Variants in TMC2 observed in about 807,000 individuals in gnomAD.
The protein encoded by TMC2 is transmembrane channel-like protein 2.
Under a neutral mutation model 105.9 loss-of-function variants are expected in TMC2, and 102 were observed. The observed-to-expected ratio is 0.96, with a 90% CI of 0.82 to 1.14. TMC2 has a LOEUF of 1.14. Among genes scored for constraint, TMC2 ranks in the 50% most tolerant of loss-of-function variants. TMC2 has a pLI of 0.00. For synonymous variants in TMC2, 402 were observed against 422.8 expected, an observed-to-expected ratio of 0.95 and a Z score of 0.60; for missense variants, 1,093 against 1,134.3, an observed-to-expected ratio of 0.96 and a Z score of 0.52.
chr20:2,554,391 C>T (rs780288172), intron 2 of TMC2, among the ~76,000 whole-genome samples: 3 of 152,142 alleles, frequency 2.0e-5, no homozygotes, highest in African/African-American at 7.2e-5. Context: ...TTTCAAAGAA[C>T]CTCTCTATGA....
chr20:2,558,507 G>A lies in TMC2; in HGVS notation c.134G>A (p.Gly45Glu), dbSNP rs990429691. 8 of 1,558,352 alleles carry A rather than the reference G, an allele frequency of 5.1e-6. No individual in the cohort carries two copies. The African/African-American group carries it at 9.5e-5, about 19-fold the overall frequency. ...AGCAAGCGGGCTCTCAAAGCCGAGG[G>A]GACCCCAGGCAGGCGCGGAGCTCAG... ...SSSKRALKAE[G>E]TPGRRGAQRS... Residue 45 changes from glycine (G) to glutamate (E), a missense_variant, in exon 3 of 20, where the codon GGG becomes GAG. Physicochemically the swap from Gly to Glu is moderately conservative, Grantham distance 98. Coordinates refer to ENST00000358864, the MANE Select transcript of TMC2 (RefSeq NM_080751.3). The surrounding 1 kb of genome is among the most constrained non-coding windows in gnomAD (Gnocchi z 4.6).
At chr20:2,561,223 A>G (rs1041166205) in intron 3 of TMC2, among the ~76,000 whole-genome samples, 1 of 152,260 alleles carries the variant, frequency 6.6e-6, no homozygotes, top group Non-Finnish European at 1.5e-5. Context: ...AGATACAAAT[A>G]TCAAAGGAAA....
intron 17 of TMC2, among the ~76,000 whole-genome samples, chr20:2,631,005 A>G (rs982867091): frequency 1.6e-4 from 25 of 151,874 alleles, no homozygotes; most frequent in African/African-American, 5.3e-4. Flanking sequence ...TATTTTTGTT[A>G]TTTTATTCCT....
chr20:2,563,152 T>C (rs1200375560), intron 4 of TMC2, among the ~76,000 whole-genome samples: 1 of 152,144 alleles, frequency 6.6e-6, no homozygotes, highest in African/African-American at 2.4e-5. Context: ...AGCTTCCTCA[T>C]TGCTCGTTCA....
intron 11 of TMC2, among the ~76,000 whole-genome samples, chr20:2,609,582 C>T (rs957690883): frequency 2.0e-5 from 3 of 152,066 alleles, no homozygotes; most frequent in African/African-American, 7.2e-5. Context: ...ATGGAATTGT[C>T]CATGAGAGCT....
chr20:2,631,336 C>A (rs1181412063), intron 17 of TMC2, among the ~76,000 whole-genome samples: 1 of 152,176 alleles, frequency 6.6e-6, no homozygotes, highest in Non-Finnish European at 1.5e-5. Flanking sequence ...TTCATGTTAA[C>A]CCATGTAGTT....
At chr20:2,540,765 A>C (rs1043117517) in intron 2 of TMC2, among the ~76,000 whole-genome samples, 8 of 151,872 alleles carry the variant, frequency 5.3e-5, no homozygotes, top group Non-Finnish European at 8.8e-5. Flanking sequence ...CAGTATGCTC[A>C]CAAGACCTTC....
At chr20:2,605,114 G>C (rs910192391) in intron 11 of TMC2, among the ~76,000 whole-genome samples, 2 of 152,138 alleles carry the variant, frequency 1.3e-5, no homozygotes, top group Non-Finnish European at 1.5e-5. Context: ...TGGAGTCTGT[G>C]CTCACTCTGA....
At chr20:2,598,828 G>C (rs192956615) in intron 10 of TMC2, among the ~76,000 whole-genome samples, 1 of 151,762 alleles carries the variant, frequency 6.6e-6, no homozygotes, top group Admixed American at 6.6e-5. Context: ...TTATGTGACT[G>C]GTATAAAAAC....
chr20:2,591,432 C>T (rs1170976994), intron 7 of TMC2, among the ~76,000 whole-genome samples: 5 of 152,154 alleles, frequency 3.3e-5, no homozygotes, highest in East Asian at 3.8e-4. Context: ...TGGCTGGGCA[C>T]GGTGGCTCAT....
At chr20:2,637,679 C>A in intron 19 of TMC2, 88 bp downstream of exon 19, 1 of 915,382 alleles carries the variant, frequency 1.1e-6, no homozygotes, top group Non-Finnish European at 1.7e-6. Context: ...TCAGACTGTT[C>A]TGGGATTGAA....
chr20:2,615,413 TC>T (rs2086473027), intron 14 of TMC2, among the ~76,000 whole-genome samples: 1 of 152,274 alleles, frequency 6.6e-6, no homozygotes, highest in Non-Finnish European at 1.5e-5. Flanking sequence ...TTTGTCTCTT[TC>T]CTAACTTCTC....
chr20:2,574,132 A>G (rs984983370), intron 5 of TMC2, among the ~76,000 whole-genome samples: 2 of 152,212 alleles, frequency 1.3e-5, no homozygotes, highest in Non-Finnish European at 1.5e-5. Context: ...GTTGTTGTTT[A>G]GTAAGACTTC....
intron 16 of TMC2, among the ~76,000 whole-genome samples, chr20:2,622,224 T>A (rs1340948946): frequency 1.3e-5 from 2 of 152,234 alleles, no homozygotes; most frequent in Non-Finnish European, 2.9e-5. Context: ...TGAGTGAGCA[T>A]GGCTGTGTTC....
rs73087330 is a variant in TMC2 at position 2,558,223 on chromosome 20, C to G, written c.83-233C>G. On this transcript the variant is annotated intron_variant, in intron 2 of 19. Coordinates refer to ENST00000358864, the MANE Select transcript of TMC2 (RefSeq NM_080751.3). The surrounding 1 kb of genome is among the most constrained non-coding windows in gnomAD (Gnocchi z 4.6). ...TGTCACAGGAGGTCTTCAAGGGAGA[C>G]GGGAGGGAGAAGGCCAGAGAGTGAC... 1 of 997,476 alleles carries G rather than the reference C, an allele frequency of 1.0e-6. No homozygotes were observed. The highest frequency in any genetic ancestry group is 1.4e-6 in the Non-Finnish European group (1 of 710,992). 61.8% of individuals were successfully genotyped at this position (997,476 alleles called of 1,614,324 possible). A position where few individuals can be genotyped will look rare whatever the true frequency, so the allele number is the denominator to read the frequency against.
intron 7 of TMC2, among the ~76,000 whole-genome samples, chr20:2,591,756 A>AAAAGG (rs1243202541): frequency 1.3e-4 from 19 of 150,952 alleles, no homozygotes; most frequent in Admixed American, 4.0e-4. Context: ...AAAAGAAAAG[A>AAAAGG]AAAGGAAAGG....
At chr20:2,573,654 G>A (rs1220768144) in intron 5 of TMC2, among the ~76,000 whole-genome samples, 3 of 146,420 alleles carry the variant, frequency 2.0e-5, no homozygotes, top group Admixed American at 6.9e-5. Context: ...TCTGCCTCCC[G>A]GGTTCACGCC....
At chr20:2,551,776 AG>A (rs762334922) in intron 2 of TMC2, among the ~76,000 whole-genome samples, 47 of 152,114 alleles carry the variant, frequency 3.1e-4, no homozygotes, top group Non-Finnish European at 5.6e-4. Flanking sequence ...CCATCGTCAA[AG>A]GTTGGCTATA....
Position 2,641,769 on chromosome 20 carries a change from C to A in TMC2, c.*418C>A, listed in dbSNP as rs904328154. 5.5e-6 allele frequency: 1 copy of A among 182,036 alleles called. No individual in the cohort carries two copies. 11.3% of individuals were successfully genotyped at this position (182,036 alleles called of 1,614,324 possible). A position where few individuals can be genotyped will look rare whatever the true frequency, so the allele number is the denominator to read the frequency against. On this transcript the variant is annotated 3_prime_UTR_variant, in exon 20 of 20. Coordinates refer to ENST00000358864, the MANE Select transcript of TMC2 (RefSeq NM_080751.3). ...GGGGGATGGAGAAGGGCCTACATTT[C>A]TCAATCCAGAGGAAGTGAGCTGGTT...
Sources: gnomAD v4.1 joint callset for allele counts (sites outside exome capture counted in the v4.1 genomes callset) on GRCh38, gnomAD v4.1.1 for gene constraint, Gnocchi (gnomAD v3.1) non-coding constraint, MANE v1.5 for transcripts, NCBI Gene and HGNC (gene_info 2026-07-23, HGNC 2026-07-21) for gene names.